The following CMKLR1 variants were observed in gnomAD, a reference collection of about 807,000 sequenced individuals.
CMKLR1 encodes chemerin chemokine-like receptor 1, also known as chemerin-like receptor 1.
Under a neutral mutation model 8.2 loss-of-function variants are expected in CMKLR1, and 6 were observed. The ratio of observed to expected loss-of-function variants is 0.73; its 90% CI spans 0.40 to 1.44. The LOEUF (loss-of-function observed/expected upper bound fraction) is 1.44. Ranked by LOEUF, CMKLR1 falls within the 40% of genes most tolerant of loss-of-function variation. The pLI is 0.02. For synonymous variants in CMKLR1, 178 were observed against 181.2 expected, an observed-to-expected ratio of 0.98 and a Z score of 0.14; for missense variants, 429 against 478.0, an observed-to-expected ratio of 0.90 and a Z score of 0.96.
intron 2 of CMKLR1, among the ~76,000 whole-genome samples, 167 bp from the exon 3 acceptor site, chr12:108,293,831 G>A (rs1891057783): frequency 6.6e-6 from 1 of 152,212 alleles, no homozygotes; most frequent in Non-Finnish European, 1.5e-5. Context: ...TATGCAGCCA[G>A]GAAGGGATGG....
rs150440433 is a variant in CMKLR1 at position 108,301,376 on chromosome 12, G to A, written c.-73-7712C>T. Among the ~76,000 whole-genome samples, 502 of 152,026 alleles carry A rather than the reference G, an allele frequency of 3.3e-3. 1 individual carries two copies. The Middle Eastern group carries it at 0.037, about 11-fold the overall frequency. ...CAGGTATGAGCCACCGTGCTCGGCC[G>A]CGTCCACCCAAGTTTTCTATCAGTA... On this transcript the variant is annotated intron_variant, in intron 2 of 3. Coordinates refer to ENST00000550402, the MANE Select transcript of CMKLR1 (RefSeq NM_001142343.2).
chr12:108,298,779 C>G (rs1207613151), intron 2 of CMKLR1, among the ~76,000 whole-genome samples: 1 of 152,264 alleles, frequency 6.6e-6, no homozygotes, highest in African/African-American at 2.4e-5. Flanking sequence ...GGCCCAGCAC[C>G]AAGATTCTGC....
intron 1 of CMKLR1, among the ~76,000 whole-genome samples, chr12:108,332,922 C>T (rs1892142675): frequency 2.6e-5 from 4 of 152,222 alleles, no homozygotes; most frequent in African/African-American, 9.6e-5. Context: ...TGCAAATGAG[C>T]TGTGATCATG....
chr12:108,313,449 C>T (rs905096882), intron 2 of CMKLR1, among the ~76,000 whole-genome samples: 1 of 152,202 alleles, frequency 6.6e-6, no homozygotes, highest in Non-Finnish European at 1.5e-5. Context: ...ACAGCAAATC[C>T]ACATGTGAAT....
intron 1 of CMKLR1, among the ~76,000 whole-genome samples, chr12:108,338,544 G>C (rs1892284367): frequency 6.6e-6 from 1 of 152,146 alleles, no homozygotes; most frequent in Non-Finnish European, 1.5e-5. Context: ...AGGGTGCAGT[G>C]TGACCAAAAG....
rs61740670 is a variant in CMKLR1, at chr12:108,292,080, T to C, written c.883A>G (p.Ser295Gly). Residue 295 changes from serine (S) to glycine (G), a missense_variant, in exon 4 of 4, where the codon AGC becomes GGC. Coordinates refer to ENST00000550402, the MANE Select transcript of CMKLR1 (RefSeq NM_001142343.2). Reference protein sequence around the residue: ...HHTAMPGSVFSLGLPLATALA... With the variant: ...HHTAMPGSVFGLGLPLATALA... Reference sequence around the variant, plus strand: ...GCAGTGGCCAGGGGCAAACCCAGGCTGAAGACAGAGCCAGGCATGGCAGTG... The same window carrying C: ...GCAGTGGCCAGGGGCAAACCCAGGCCGAAGACAGAGCCAGGCATGGCAGTG... 6.2e-6 allele frequency: 10 copies of C among 1,614,058 alleles called. No homozygotes were observed. The African/African-American group carries it at 1.2e-4, about 19-fold the overall frequency.
intron 2 of CMKLR1, among the ~76,000 whole-genome samples, chr12:108,298,312 T>C (rs1050252754): frequency 2.0e-5 from 3 of 152,324 alleles, no homozygotes; most frequent in African/African-American, 4.8e-5. Flanking sequence ...AGCACTTTCA[T>C]TGCATCAGCT....
At chr12:108,328,902 A>G (rs1892042932) in intron 2 of CMKLR1, among the ~76,000 whole-genome samples, 2 of 152,148 alleles carry the variant, frequency 1.3e-5, no homozygotes, top group African/African-American at 4.8e-5. Context: ...GGATTAAACC[A>G]AAAGGAAACA....
rs746165927 is a variant in CMKLR1 at position 108,292,292 on chromosome 12, C to T, written c.671G>A (p.Arg224His). Reference protein sequence around the residue: ...YSRHMVVTVTRFLCGFLVPVL... With the variant: ...YSRHMVVTVTHFLCGFLVPVL... The stretch of plus-strand genomic sequence containing the variant: ...TGGGACCAGGAAGCCACAGAGGAAG[C>T]GGGTGACAGTCACCACCATGTGCCG... Residue 224 changes from arginine (R) to histidine (H), a missense_variant, in exon 4 of 4, where the codon CGC becomes CAC. Physicochemically the swap from Arg to His is conservative, Grantham distance 29. Transcript: ENST00000550402. 4.6e-5 allele frequency: 74 copies of T among 1,614,014 alleles called. No individual in the cohort carries two copies. Among genetic ancestry groups the T allele is most frequent in the Non-Finnish European group, 4.8e-5 (57 of 1,180,038 alleles).
intron 2 of CMKLR1, among the ~76,000 whole-genome samples, chr12:108,300,756 G>C (rs1891246139): frequency 1.3e-5 from 2 of 152,184 alleles, no homozygotes; most frequent in Non-Finnish European, 2.9e-5. Context: ...GGGCTGTTGT[G>C]AGAATTGAAT....
intron 2 of CMKLR1, among the ~76,000 whole-genome samples, chr12:108,321,493 C>T (rs1272708653): frequency 1.3e-5 from 2 of 151,866 alleles, no homozygotes; most frequent in African/African-American, 4.8e-5. Flanking sequence ...ATGAGCAAAA[C>T]ATCAAAATAA....
intron 2 of CMKLR1, among the ~76,000 whole-genome samples, chr12:108,328,813 A>C (rs1288372474): frequency 6.6e-6 from 1 of 152,222 alleles, no homozygotes; most frequent in Non-Finnish European, 1.5e-5. Context: ...CTGGTGGCCA[A>C]GTCTGCCTCT....
chr12:108,294,038 C>A (rs911935136), intron 2 of CMKLR1, among the ~76,000 whole-genome samples: 1 of 152,210 alleles, frequency 6.6e-6, no homozygotes, highest in African/African-American at 2.4e-5. Context: ...GCAGGACCCA[C>A]AAAATACTGT....
intron 2 of CMKLR1, among the ~76,000 whole-genome samples, chr12:108,314,700 A>G (rs1566024999): frequency 6.6e-6 from 1 of 152,156 alleles, no homozygotes; most frequent in Non-Finnish European, 1.5e-5. Context: ...CTTTGGTAGC[A>G]GTAGCAGTGA....
intron 2 of CMKLR1, among the ~76,000 whole-genome samples, chr12:108,318,607 C>T (rs1232641185): frequency 2.0e-5 from 3 of 152,120 alleles, no homozygotes; most frequent in Admixed American, 6.6e-5. Flanking sequence ...GAGGCCTCCT[C>T]GTCACCCCAG....
chr12:108,317,877 A>AGTTCCTCATGTCTCCTTC (rs1306878613), intron 2 of CMKLR1: 2 of 152,220 alleles, frequency 1.3e-5, no homozygotes, highest in African/African-American at 4.8e-5. Flanking sequence ...TCCCTATGTT[A>AGTTCCTCATGTCTCCTTC]GTTCCTCATG....
intron 2 of CMKLR1, among the ~76,000 whole-genome samples, chr12:108,298,852 CT>C (rs1187381423): frequency 2.0e-5 from 3 of 152,230 alleles, no homozygotes; most frequent in African/African-American, 7.2e-5. Flanking sequence ...TCTTATCCCC[CT>C]GAGTCAGAAC....
intron 1 of CMKLR1, among the ~76,000 whole-genome samples, chr12:108,331,024 C>T (rs1351690444): frequency 1.3e-5 from 2 of 152,172 alleles, no homozygotes; most frequent in Non-Finnish European, 2.9e-5. Context: ...AGCCCTTGTG[C>T]TCCTTGCAGC....
intron 2 of CMKLR1, among the ~76,000 whole-genome samples, chr12:108,315,559 T>C (rs1408608096): frequency 6.6e-6 from 1 of 152,178 alleles, no homozygotes; most frequent in Non-Finnish European, 1.5e-5. Context: ...TGTCATTAAA[T>C]TCCCATAAGG....
Sources: gnomAD v4.1 joint callset for allele counts (sites outside exome capture counted in the v4.1 genomes callset) on GRCh38, gnomAD v4.1.1 for gene constraint, MANE v1.5 for transcripts, NCBI Gene and HGNC (gene_info 2026-07-23, HGNC 2026-07-21) for gene names.